Variants in MSRA observed in about 807,000 individuals in gnomAD.
MSRA encodes methionine sulfoxide reductase A.
A neutral mutation model predicts 31.3 loss-of-function variants in MSRA; 54 were observed. The observed-to-expected ratio is 1.73, with a 90% confidence interval of 1.39 to 2.17. MSRA has a LOEUF of 2.17. MSRA is among the 30% of genes most tolerant of loss of function. The probability of loss-of-function intolerance (pLI) is 0.00; values close to 1 mark genes in which losing one functional copy is unlikely to be tolerated. For missense variants in MSRA, 507 were observed against 300.9 expected (o/e 1.69, Z -5.07); for synonymous variants, 169 against 116.5 (o/e 1.45, Z -2.90).
intron 5 of MSRA, among the ~76,000 whole-genome samples, chr8:10,330,694 T>C (rs756291035): frequency 6.6e-6 from 1 of 152,338 alleles, no homozygotes; most frequent in Non-Finnish European, 1.5e-5. Flanking sequence ...TCGTCTCCCA[T>C]TTTCTACATT....
chr8:10,322,474 C>G lies in MSRA; in HGVS notation c.543+2485C>G, dbSNP rs368453906. Among the ~76,000 whole-genome samples the G allele has an allele frequency of 1.7e-3, 262 of 152,238 alleles. 2 individuals are homozygous for G. Among genetic ancestry groups the G allele is most frequent in the African/African-American group, 5.9e-3 (247 of 41,546 alleles). ...AAGAGGGACAGGTCCAGGTCCAGGT[C>G]ATGGCTGGTGATTTTTTGTACAAGT... On this transcript the variant is annotated intron_variant, in intron 5 of 5. Transcript: ENST00000317173.
intron 3 of MSRA, among the ~76,000 whole-genome samples, chr8:10,285,847 ATATT>A (rs943055039): frequency 3.9e-5 from 6 of 152,202 alleles, no homozygotes; most frequent in Non-Finnish European, 7.3e-5. Flanking sequence ...ACAAAATTAA[ATATT>A]AATTTTAATA....
rs1797504650 is a variant in MSRA, at chr8:10,067,310, A to G, written c.142+12652A>G. 1.3e-5 allele frequency among the ~76,000 whole-genome samples: 2 copies of G among 150,946 alleles called. 1 individual carries two copies. Among genetic ancestry groups the G allele is most frequent in the South Asian group, 4.1e-4 (2 of 4,828 alleles). ...TTCGGTTGGCTTCTTTCACTTAACA[A>G]TATGATTTGAGGAGCCTTCATGTCT... On this transcript the variant is annotated intron_variant, in intron 1 of 5. Transcript: ENST00000317173.
intron 3 of MSRA, among the ~76,000 whole-genome samples, chr8:10,260,944 T>G (rs1798447531): frequency 6.6e-6 from 1 of 152,210 alleles, no homozygotes; most frequent in Non-Finnish European, 1.5e-5. Context: ...AAACACTGAA[T>G]CTTTAGTCTA....
intron 2 of MSRA, among the ~76,000 whole-genome samples, chr8:10,213,505 C>T (rs375198337): frequency 6.9e-5 from 10 of 144,102 alleles, no homozygotes; most frequent in Non-Finnish European, 1.2e-4. Context: ...GACGCGACCT[C>T]GGCTCACTGC....
intron 5 of MSRA, among the ~76,000 whole-genome samples, chr8:10,370,765 C>T (rs1324377357): frequency 6.6e-6 from 1 of 152,224 alleles, no homozygotes; most frequent in Admixed American, 6.5e-5. Flanking sequence ...TCAAAGATGC[C>T]CCATGGCATT....
intron 2 of MSRA, among the ~76,000 whole-genome samples, chr8:10,229,548 A>T (rs904607510): frequency 6.6e-6 from 1 of 151,876 alleles, no homozygotes; most frequent in Non-Finnish European, 1.5e-5. Flanking sequence ...CTGAGAGGGG[A>T]TTTAGAGGGT....
At chr8:10,227,384 A>G (rs916860893) in intron 2 of MSRA, among the ~76,000 whole-genome samples, 1 of 152,168 alleles carries the variant, frequency 6.6e-6, no homozygotes, top group Non-Finnish European at 1.5e-5. Context: ...GTGAAGGGGA[A>G]TGGGCTACTT....
chr8:10,141,641 A>T (rs139772002), intron 1 of MSRA, among the ~76,000 whole-genome samples: 1 of 152,064 alleles, frequency 6.6e-6, no homozygotes, highest in Non-Finnish European at 1.5e-5. Flanking sequence ...AATGCAGTCA[A>T]TGCTGTAGTA....
intron 1 of MSRA, among the ~76,000 whole-genome samples, chr8:10,135,378 C>T (rs1340042143): frequency 6.6e-6 from 1 of 152,176 alleles, no homozygotes; most frequent in East Asian, 1.9e-4. Flanking sequence ...TTTGCCAGTT[C>T]CATTCTACCT....
chr8:10,078,266 G>C (rs1437239078), intron 1 of MSRA, among the ~76,000 whole-genome samples: 8 of 152,172 alleles, frequency 5.3e-5, no homozygotes, highest in African/African-American at 1.9e-4. Context: ...TCCCTACTCA[G>C]CCAGTTTGCT....
chr8:10,183,361 G>C lies in MSRA; in HGVS notation c.143-24472G>C, dbSNP rs1318764811. ...TACTTACGGCCTCTGTTTGCCAGGG[G>C]CTAAGTGTGATAATGGGTCAGAAAG... On this transcript the variant is annotated intron_variant, in intron 1 of 5. Transcript: ENST00000317173. Among the ~76,000 whole-genome samples, 4 of 152,256 alleles carry C rather than the reference G, an allele frequency of 2.6e-5. No individual in the cohort carries two copies. In the South Asian group the frequency reaches 6.2e-4, roughly 24 times the overall value.
At chr8:10,250,411 T>C (rs1797854463) in intron 3 of MSRA, 1 of 702,292 alleles carries the variant, frequency 1.4e-6, no homozygotes. Context: ...TCTTTTCATA[T>C]TTTGCTTACA....
chr8:10,303,525 C>A (rs1800960826), intron 4 of MSRA, among the ~76,000 whole-genome samples: 1 of 152,140 alleles, frequency 6.6e-6, no homozygotes, highest in Non-Finnish European at 1.5e-5. Context: ...AATATGGAGA[C>A]CAAAACAAGG....
chr8:10,341,577 T>C (rs1355692478), intron 5 of MSRA, among the ~76,000 whole-genome samples: 1 of 152,216 alleles, frequency 6.6e-6, no homozygotes, highest in Admixed American at 6.5e-5. Context: ...GTGATTTTCA[T>C]ACAGCGCTGG....
chr8:10,343,340 A>G (rs1347096160), intron 5 of MSRA, among the ~76,000 whole-genome samples: 1 of 152,214 alleles, frequency 6.6e-6, no homozygotes. Flanking sequence ...CCAACAATCC[A>G]TGCTGTACGT....
chr8:10,359,348 T>G (rs1585577735), intron 5 of MSRA, among the ~76,000 whole-genome samples: 2 of 152,338 alleles, frequency 1.3e-5, no homozygotes, highest in East Asian at 3.9e-4. Context: ...ACACAGCTTT[T>G]GTTTTATATA....
chr8:10,320,945 A>G (rs988413541), intron 5 of MSRA, among the ~76,000 whole-genome samples: 1 of 152,234 alleles, frequency 6.6e-6, no homozygotes, highest in South Asian at 2.1e-4. Flanking sequence ...TTACCTCTGT[A>G]AAGACCCGTT....
At chr8:10,145,594 T>C (rs1014350103) in intron 1 of MSRA, among the ~76,000 whole-genome samples, 8 of 152,344 alleles carry the variant, frequency 5.3e-5, no homozygotes, top group African/African-American at 1.9e-4. Context: ...GTACTTTTGA[T>C]GTTTATACAT....
Sources: gnomAD v4.1 joint callset for allele counts (sites outside exome capture counted in the v4.1 genomes callset) on GRCh38, gnomAD v4.1.1 for gene constraint, MANE v1.5 for transcripts, NCBI Gene and HGNC (gene_info 2026-07-23, HGNC 2026-07-21) for gene names.